The following LRIG1 variants were observed in gnomAD, a reference collection of about 807,000 sequenced individuals.
The protein encoded by LRIG1 is leucine rich repeats and immunoglobulin like domains 1.
In LRIG1, 48 loss-of-function variants were observed where a neutral mutation model predicts 99.2. That is an observed-to-expected ratio of 0.48 (90% CI 0.38 to 0.62). The LOEUF (loss-of-function observed/expected upper bound fraction) is 0.62. Among genes scored for constraint, LRIG1 ranks in the 20% least tolerant of loss-of-function variants. The pLI is 0.00. For missense variants in LRIG1, 1,646 were observed against 1,434.4 expected (o/e 1.15, Z -2.38); for synonymous variants, 772 against 596.1 (o/e 1.29, Z -4.30).
intron 6 of LRIG1, among the ~76,000 whole-genome samples, chr3:66,410,754 A>T (rs564649650): frequency 6.6e-6 from 1 of 152,270 alleles, no homozygotes; most frequent in Admixed American, 6.5e-5. Context: ...TTAAAGGAAT[A>T]GAAAGGAGAG....
rs1301215873 is a variant in LRIG1, at chr3:66,500,207, G to A, written c.201C>T (p.Pro67=). The stretch of plus-strand genomic sequence containing the variant: ...GCACTCACAGGCTCCGCGTCCAGGA[G>A]GGCAGGTCCCCGGGCAACGCAGCCA... The part of the protein sequence containing the change: ...RGLAALPGDL[P]SWTRSLNLSY... Residue 67 remains proline, a synonymous_variant, in exon 1 of 19, where the codon CCC becomes CCT. Transcript: ENST00000273261. 2.0e-6 allele frequency: 3 copies of A among 1,515,538 alleles called. No homozygotes were observed. Among genetic ancestry groups the A allele is most frequent in the Non-Finnish European group, 1.8e-6 (2 of 1,138,420 alleles). 93.9% of individuals were successfully genotyped at this position (1,515,538 alleles called of 1,614,324 possible).
At position 66,409,504 on chromosome 3, in the gene LRIG1, G is replaced by T. The variant is rs563860310; in HGVS notation, c.935+625C>A. On this transcript the variant is annotated intron_variant, in intron 7 of 18. Coordinates refer to ENST00000273261, the MANE Select transcript of LRIG1 (RefSeq NM_015541.3). Reference sequence around the variant, plus strand: ...ACCCCTGTCTGGAAATCTCCAAAAGGAGCAAGAGGACCACACCACACATCT... The same window carrying T: ...ACCCCTGTCTGGAAATCTCCAAAAGTAGCAAGAGGACCACACCACACATCT... Among the ~76,000 whole-genome samples the T allele has an allele frequency of 2.6e-5, 4 of 152,298 alleles. No homozygotes were observed. The South Asian group carries it at 8.3e-4, about 32-fold the overall frequency.
chr3:66,430,136 C>G (rs1001615366), intron 3 of LRIG1, among the ~76,000 whole-genome samples: 12 of 151,930 alleles, frequency 7.9e-5, no homozygotes, highest in Non-Finnish European at 1.6e-4. Flanking sequence ...CACAACAAAC[C>G]TGAACCAAGG....
chr3:66,453,925 GAAATAAA>G (rs1703987539), intron 2 of LRIG1, among the ~76,000 whole-genome samples: 1 of 152,228 alleles, frequency 6.6e-6, no homozygotes, highest in Non-Finnish European at 1.5e-5. Context: ...CAATTTCACA[GAAATAAA>G]TGAACAAGGG....
At chr3:66,385,734 G>T (rs1701340989) in intron 13 of LRIG1, among the ~76,000 whole-genome samples, 1 of 152,208 alleles carries the variant, frequency 6.6e-6, no homozygotes, top group African/African-American at 2.4e-5. Flanking sequence ...TTACAGGCAT[G>T]AGCCACAGCA....
At chr3:66,421,107 G>C (rs1702794902) in intron 3 of LRIG1, among the ~76,000 whole-genome samples, 1 of 152,112 alleles carries the variant, frequency 6.6e-6, no homozygotes, top group Non-Finnish European at 1.5e-5. Context: ...CTCCCACTGG[G>C]ACCCTCCTAT....
chr3:66,459,725 T>C (rs774023551), intron 2 of LRIG1, among the ~76,000 whole-genome samples: 1 of 152,186 alleles, frequency 6.6e-6, no homozygotes, highest in Admixed American at 6.5e-5. Flanking sequence ...AGGGCTGGAA[T>C]TGGGTAGGGA....
At chr3:66,430,558 C>T (rs1233232767) in intron 3 of LRIG1, among the ~76,000 whole-genome samples, 1 of 152,198 alleles carries the variant, frequency 6.6e-6, no homozygotes, top group Non-Finnish European at 1.5e-5. Context: ...ACACTGCTGA[C>T]CCGAGGAAGC....
intron 3 of LRIG1, among the ~76,000 whole-genome samples, chr3:66,449,880 C>G (rs1316807003): frequency 6.6e-6 from 1 of 152,178 alleles, no homozygotes; most frequent in Non-Finnish European, 1.5e-5. Flanking sequence ...CGGCCAGGGC[C>G]CTTGTTAAAT....
chr3:66,398,303 T>C (rs1252217857), intron 10 of LRIG1, 120 bp from the exon 11 acceptor site: 3 of 708,616 alleles, frequency 4.2e-6, no homozygotes, highest in East Asian at 2.6e-5. Context: ...TCCTAACTAC[T>C]ATAAGTGGCT....
chr3:66,440,530 T>G (rs748514235), intron 3 of LRIG1, among the ~76,000 whole-genome samples: 2 of 152,212 alleles, frequency 1.3e-5, no homozygotes, highest in Non-Finnish European at 2.9e-5. Flanking sequence ...GATGGATATC[T>G]GCAAGTAAGA....
intron 3 of LRIG1, among the ~76,000 whole-genome samples, chr3:66,417,846 G>C (rs1488732285): frequency 1.3e-5 from 2 of 151,758 alleles, no homozygotes; most frequent in African/African-American, 2.4e-5. Context: ...AAATGGGAAA[G>C]AGGAGCTCAC....
In LRIG1 at chr3:66,379,933, A is replaced by C; in HGVS notation, c.*330T>G. 1 of 179,698 alleles carries C rather than the reference A, an allele frequency of 5.6e-6. No individual in the cohort carries two copies. The highest frequency in any genetic ancestry group is 1.2e-5 in the Non-Finnish European group (1 of 85,312). The allele number at this position is 179,698 out of a possible 1,614,324, so 11.1% of individuals were successfully genotyped here. On this transcript the variant is annotated 3_prime_UTR_variant, in exon 19 of 19. Coordinates refer to ENST00000273261, the MANE Select transcript of LRIG1 (RefSeq NM_015541.3). ...CCACCCCCTCCAAAATTAAACAGCA[A>C]CCTGATACGAAAAATAATATTGTCA...
At chr3:66,421,081 C>T (rs1459429362) in intron 3 of LRIG1, among the ~76,000 whole-genome samples, 1 of 152,110 alleles carries the variant, frequency 6.6e-6, no homozygotes, top group East Asian at 1.9e-4. Flanking sequence ...AAAACCTGCC[C>T]CCATAACTCA....
chr3:66,421,833 C>G (rs953954111), intron 3 of LRIG1, among the ~76,000 whole-genome samples: 1 of 152,252 alleles, frequency 6.6e-6, no homozygotes, highest in African/African-American at 2.4e-5. Context: ...GGGCCCCGCC[C>G]CTGCAGCAAA....
chr3:66,382,920 G>T, intron 15 of LRIG1, 62 bp downstream of exon 15: 1 of 1,494,438 alleles, frequency 6.7e-7, no homozygotes, highest in Admixed American at 1.9e-5. Context: ...ACCCGGCCCA[G>T]TTCCCCAGCA....
At chr3:66,416,454 G>A (rs956614656) in intron 4 of LRIG1, among the ~76,000 whole-genome samples, 14 of 152,262 alleles carry the variant, frequency 9.2e-5, no homozygotes, top group East Asian at 1.9e-4. Context: ...ATTGGAAAAC[G>A]TCTCTTTAGC....
At chr3:66,391,111 ACT>A (rs1198033760) in intron 12 of LRIG1, among the ~76,000 whole-genome samples, 3 of 152,098 alleles carry the variant, frequency 2.0e-5, no homozygotes, top group African/African-American at 7.2e-5. Context: ...CCACCATGAG[ACT>A]CTATTTTACA....
intron 1 of LRIG1, among the ~76,000 whole-genome samples, chr3:66,482,680 T>G (rs565836748): frequency 6.6e-5 from 10 of 152,296 alleles, no homozygotes; most frequent in African/African-American, 1.9e-4. Context: ...TGGCTAAACA[T>G]TTATGCATAA....
Sources: gnomAD v4.1 joint callset for allele counts (sites outside exome capture counted in the v4.1 genomes callset) on GRCh38, gnomAD v4.1.1 for gene constraint, MANE v1.5 for transcripts, NCBI Gene and HGNC (gene_info 2026-07-23, HGNC 2026-07-21) for gene names.